The following MKLN1 variants were observed in gnomAD, a reference collection of about 807,000 sequenced individuals.
MKLN1 encodes the protein muskelin.
A neutral mutation model predicts 99.0 loss-of-function variants in MKLN1; 18 were observed. The observed-to-expected ratio is 0.18, with a 90% CI of 0.13 to 0.27. The LOEUF (loss-of-function observed/expected upper bound fraction) is 0.27. Ranked by LOEUF, MKLN1 falls within the 10% of genes least tolerant of loss-of-function variation. The pLI is 1.00. For missense variants in MKLN1, 621 were observed against 875.9 expected (o/e 0.71, Z 3.67); for synonymous variants, 288 against 293.2 (o/e 0.98, Z 0.18).
intron 1 of MKLN1, among the ~76,000 whole-genome samples, chr7:131,133,680 G>T (rs1795597720): frequency 6.6e-6 from 1 of 151,246 alleles, no homozygotes; most frequent in East Asian, 1.9e-4. Context: ...TATAGATGGG[G>T]TCTCACTATG....
At chr7:131,297,968 T>A (rs1402471875) in intron 3 of MKLN1, among the ~76,000 whole-genome samples, 1 of 152,204 alleles carries the variant, frequency 6.6e-6, no homozygotes, top group Non-Finnish European at 1.5e-5. Flanking sequence ...GTGGAATTTC[T>A]TCAGGAACAT....
At chr7:131,394,694 A>T (rs1794305251) in intron 4 of MKLN1, among the ~76,000 whole-genome samples, 1 of 151,976 alleles carries the variant, frequency 6.6e-6, no homozygotes, top group Non-Finnish European at 1.5e-5. Flanking sequence ...CATTTTCCTT[A>T]TTCAGTCGGA....
intron 3 of MKLN1, among the ~76,000 whole-genome samples, chr7:131,282,009 G>A (rs971263960): frequency 6.6e-6 from 1 of 151,808 alleles, no homozygotes; most frequent in African/African-American, 2.4e-5. Flanking sequence ...CTCTTATCAT[G>A]GTGCTTTACT....
intron 2 of MKLN1, among the ~76,000 whole-genome samples, chr7:131,180,927 G>A (rs1796369340): frequency 6.6e-6 from 1 of 151,996 alleles, no homozygotes; most frequent in African/African-American, 2.4e-5. Flanking sequence ...CTATGTACAA[G>A]AAACTCTCCA....
In MKLN1 at chr7:131,375,531, C is replaced by T. The variant is rs1040584411; in HGVS notation, c.168+38C>T. 4.0e-6 allele frequency: 5 copies of T among 1,261,652 alleles called. No individual in the cohort carries two copies. In the African/African-American group the frequency reaches 7.3e-5, roughly 18 times the overall value. The allele number at this position is 1,261,652 out of a possible 1,614,324, so 78.2% of individuals were successfully genotyped here. A position where few individuals can be genotyped will look rare whatever the true frequency, so the allele number is the denominator to read the frequency against. ...GTATCCCTTAATGCTGTTTAGAAGT[C>T]ACCATTTAAATAAACACTCAATTGA... On this transcript the variant is annotated intron_variant, in intron 2 of 17. Transcript: ENST00000352689.
chr7:131,473,311 T>C (rs1425419812), intron 16 of MKLN1, among the ~76,000 whole-genome samples: 2 of 152,198 alleles, frequency 1.3e-5, no homozygotes, highest in African/African-American at 4.8e-5. Flanking sequence ...AGACATTTAA[T>C]GTTATTAAAT....
In MKLN1 at chr7:131,399,227, CTG is replaced by C. The variant is rs767068913; in HGVS notation, c.511-10_511-9del. 16 of 1,609,342 alleles carry C rather than the reference CTG, an allele frequency of 9.9e-6. 1 individual carries two copies. Among genetic ancestry groups the C allele is most frequent in the South Asian group, 8.8e-5 (8 of 90,876 alleles). On this transcript the variant is annotated splice_polypyrimidine_tract_variant and intron_variant, in intron 5 of 17. Coordinates refer to ENST00000352689, the MANE Select transcript of MKLN1 (RefSeq NM_013255.5). ...CAAATCTCTTCTTTCCATACTTACTCTGTGTTCTAGTAGTACCGTGAACAGGA... is the reference window on the plus strand; with the variant it reads ...CAAATCTCTTCTTTCCATACTTACTCTGTTCTAGTAGTACCGTGAACAGGA...
rs756339553 is a variant in MKLN1 at position 131,437,794 on chromosome 7, A to G, written c.970A>G (p.Ser324Gly). ...CTCTCTCTCTCTACAGAATGGTCCT[A>G]GTGCCAGATCGTGTCATAAAATGTG... ...SRDTEKENGP[S>G]ARSCHKMCID... The change falls in exon 10 of 18, where the codon AGT becomes GGT. Residue 324 changes from serine to glycine, a missense_variant. This residue lies in a region of MKLN1 where 361 missense variants were observed against 540.8 expected (regional missense o/e 0.67). Transcript: ENST00000352689. 2 of 1,611,914 alleles carry G rather than the reference A, an allele frequency of 1.2e-6. No homozygotes were observed. Among genetic ancestry groups the G allele is most frequent in the South Asian group, 2.2e-5 (2 of 91,034 alleles).
intron 1 of MKLN1, chr7:131,328,326 G>A (rs1013241252): frequency 6.8e-6 from 2 of 292,246 alleles, no homozygotes; most frequent in Non-Finnish European, 1.3e-5. Context: ...CGGCTCTGGG[G>A]CAGGAATCGG....
chr7:131,421,081 A>G (rs567263999), intron 8 of MKLN1, among the ~76,000 whole-genome samples: 14 of 152,310 alleles, frequency 9.2e-5, no homozygotes, highest in Admixed American at 5.9e-4. Flanking sequence ...TGTAATTATC[A>G]TTACTTCGGG....
intron 3 of MKLN1, among the ~76,000 whole-genome samples, chr7:131,267,532 A>G (rs531190392): frequency 2.6e-5 from 4 of 152,234 alleles, no homozygotes; most frequent in Non-Finnish European, 5.9e-5. Context: ...GCTATCTAGC[A>G]TTTACTAGAA....
At chr7:131,191,054 C>T (rs963495740) in intron 2 of MKLN1, among the ~76,000 whole-genome samples, 2 of 152,224 alleles carry the variant, frequency 1.3e-5, no homozygotes, top group African/African-American at 4.8e-5. Flanking sequence ...CACGCTGTGA[C>T]TAGCTAGGCC....
chr7:131,179,633 G>A (rs989311144), intron 2 of MKLN1, among the ~76,000 whole-genome samples: 23 of 152,134 alleles, frequency 1.5e-4, no homozygotes, highest in African/African-American at 5.3e-4. Flanking sequence ...GGAGTGCAGT[G>A]GTGCGATCTC....
chr7:131,414,627 C>T lies in MKLN1; in HGVS notation c.782-18C>T, dbSNP rs1563336289. 6.4e-7 allele frequency: 1 copy of T among 1,553,592 alleles called. No homozygotes were observed. Among genetic ancestry groups the T allele is most frequent in the South Asian group, 1.1e-5 (1 of 87,734 alleles). Reference sequence around the variant, plus strand: ...TTCTTTGTTATTCCTTTAAAAGAAACTATTATTTCTTCTAAAGGTGATGGG... The same window carrying T: ...TTCTTTGTTATTCCTTTAAAAGAAATTATTATTTCTTCTAAAGGTGATGGG... On this transcript the variant is annotated intron_variant, in intron 7 of 17. Transcript: ENST00000352689.
Position 131,262,153 on chromosome 7 carries a change from C to T in MKLN1, c.-179+59179C>T, listed in dbSNP as rs538646465. ...AAAGATTTTTTTTTAAAGAATAACTCGGCTGGGCACAGTGGCTCACGCCTG... is the reference window on the plus strand; with the variant it reads ...AAAGATTTTTTTTTAAAGAATAACTTGGCTGGGCACAGTGGCTCACGCCTG... On this transcript the variant is annotated intron_variant, in intron 3 of 7. Coordinates refer to the MKLN1 transcript ENST00000416992. Among the ~76,000 whole-genome samples, 6 of 152,164 alleles carry T rather than the reference C, an allele frequency of 3.9e-5. No individual in the cohort carries two copies. In the South Asian group the frequency reaches 6.2e-4, roughly 16 times the overall value.
At chr7:131,193,981 T>C (rs1796604860) in intron 2 of MKLN1, among the ~76,000 whole-genome samples, 1 of 147,670 alleles carries the variant, frequency 6.8e-6, no homozygotes, top group Admixed American at 7.0e-5. Context: ...ACCTAGGTTA[T>C]TTATTTTTCT....
intron 2 of MKLN1, among the ~76,000 whole-genome samples, chr7:131,383,030 G>T (rs1563321632): frequency 6.6e-6 from 1 of 152,058 alleles, no homozygotes; most frequent in African/African-American, 2.4e-5. Context: ...GCCAGCTACG[G>T]ATATTTTATA....
intron 1 of MKLN1, among the ~76,000 whole-genome samples, chr7:131,114,107 G>A (rs1795238919): frequency 6.6e-6 from 1 of 152,164 alleles, no homozygotes; most frequent in Non-Finnish European, 1.5e-5. Context: ...CATGGAGAGA[G>A]GAAGCATTGA....
At chr7:131,442,055 A>G (rs1048246205) in intron 10 of MKLN1, among the ~76,000 whole-genome samples, 1 of 152,144 alleles carries the variant, frequency 6.6e-6, no homozygotes, top group Non-Finnish European at 1.5e-5. Context: ...AAAAATAGGA[A>G]TACTTCCAGA....
Sources: allele counts gnomAD v4.1 joint callset (sites outside exome capture counted in the v4.1 genomes callset), GRCh38; gene constraint gnomAD v4.1.1; regional missense constraint gnomAD v4.1.1; transcripts MANE v1.5; gene names NCBI Gene and HGNC (gene_info 2026-07-23, HGNC 2026-07-21).